The following MACROD2 variants were observed in gnomAD, a reference collection of about 807,000 sequenced individuals.
The protein encoded by MACROD2 is mono-ADP ribosylhydrolase 2.
Under a neutral mutation model 70.4 loss-of-function variants are expected in MACROD2, and 36 were observed. The observed-to-expected ratio is 0.51, with a 90% CI of 0.39 to 0.68. The LOEUF (loss-of-function observed/expected upper bound fraction) is 0.68. Ranked by LOEUF, MACROD2 falls within the 30% of genes least tolerant of loss-of-function variation. The pLI, the probability that MACROD2 is intolerant of heterozygous loss-of-function variation, is 0.00. For missense variants in MACROD2, 496 were observed against 538.4 expected, an observed-to-expected ratio of 0.92 and a Z score of 0.78; for synonymous variants, 172 against 178.8, an observed-to-expected ratio of 0.96 and a Z score of 0.30.
At chr20:15,687,696 G>T (rs1219431385) in intron 8 of MACROD2, among the ~76,000 whole-genome samples, 1 of 152,102 alleles carries the variant, frequency 6.6e-6, no homozygotes, top group African/African-American at 2.4e-5. Context: ...CAAGTTTCAG[G>T]CTACAAATTT....
At chr20:14,923,302 A>C (rs1210712235) in intron 5 of MACROD2, among the ~76,000 whole-genome samples, 9 of 152,132 alleles carry the variant, frequency 5.9e-5, no homozygotes, top group African/African-American at 1.9e-4. Flanking sequence ...TTGTATACTG[A>C]TCAATTACAA....
intron 3 of MACROD2, among the ~76,000 whole-genome samples, chr20:14,132,062 C>T (rs1377519950): frequency 1.4e-5 from 2 of 139,594 alleles, no homozygotes; most frequent in African/African-American, 2.6e-5. Flanking sequence ...ACCCGGGAGG[C>T]GGAGCTTGCA....
chr20:15,699,517 G>A (rs965221316), intron 8 of MACROD2, among the ~76,000 whole-genome samples: 3 of 152,166 alleles, frequency 2.0e-5, no homozygotes, highest in Non-Finnish European at 2.9e-5. Context: ...CCTTAGCTTT[G>A]GTGGTTTAAT....
intron 11 of MACROD2, among the ~76,000 whole-genome samples, chr20:15,934,427 C>A (rs2065626652): frequency 6.6e-6 from 1 of 152,164 alleles, no homozygotes; most frequent in Non-Finnish European, 1.5e-5. Flanking sequence ...GGCCGGCGTC[C>A]TTTGCTGCAA....
In MACROD2 at chr20:14,982,306, A is replaced by G. The variant is rs559156428; in HGVS notation, c.419-247634A>G. Among the ~76,000 whole-genome samples the G allele has an allele frequency of 5.3e-5, 8 of 152,314 alleles. No homozygotes were observed. In the South Asian group the frequency reaches 1.7e-3, roughly 32 times the overall value. ...TAAAATTTGGAAAATTTGCAGCCTA[A>G]CAGTGCAGTAGAAGAGAAAATTCCA... On this transcript the variant is annotated intron_variant, in intron 5 of 17. Transcript: ENST00000684519.
At chr20:15,823,275 C>CGTGTGTGTGTGT (rs11471023) in intron 8 of MACROD2, among the ~76,000 whole-genome samples, 21 of 128,742 alleles carry the variant, frequency 1.6e-4, no homozygotes, top group East Asian at 2.2e-4. Flanking sequence ...GTGAGCTCTT[C>CGTGTGTGTGTGT]GTGTGTGTGT....
At chr20:15,545,476 C>T (rs2048013898) in intron 8 of MACROD2, among the ~76,000 whole-genome samples, 1 of 152,188 alleles carries the variant, frequency 6.6e-6, no homozygotes, top group Admixed American at 6.5e-5. Flanking sequence ...GAAACAGATA[C>T]TGCACACTCA....
At chr20:15,676,521 A>G (rs1284320518) in intron 8 of MACROD2, among the ~76,000 whole-genome samples, 1 of 152,230 alleles carries the variant, frequency 6.6e-6, no homozygotes. Flanking sequence ...CTGAAATTTA[A>G]TTTACTCAAC....
intron 5 of MACROD2, among the ~76,000 whole-genome samples, chr20:14,796,050 A>G (rs1349051908): frequency 2.6e-5 from 4 of 152,102 alleles, no homozygotes; most frequent in Non-Finnish European, 4.4e-5. Context: ...TTATGAGCCT[A>G]TATATATTCA....
chr20:14,420,301 A>G (rs374556684), intron 3 of MACROD2, among the ~76,000 whole-genome samples: 6 of 152,072 alleles, frequency 3.9e-5, no homozygotes, highest in African/African-American at 1.4e-4. Context: ...ACTGTTTTTC[A>G]TAGCACCTGT....
chr20:14,093,608 G>A (rs190917728), intron 3 of MACROD2, among the ~76,000 whole-genome samples: 25 of 151,758 alleles, frequency 1.6e-4, no homozygotes, highest in Admixed American at 5.9e-4. Flanking sequence ...AGCTCTTTAC[G>A]GTTAAACAAA....
intron 3 of MACROD2, among the ~76,000 whole-genome samples, chr20:14,349,015 C>G (rs1214249579): frequency 6.6e-6 from 1 of 152,022 alleles, no homozygotes; most frequent in East Asian, 1.9e-4. Flanking sequence ...TTACAGTGGG[C>G]CATGATCACC....
At chr20:15,675,967 A>G (rs2050051386) in intron 8 of MACROD2, among the ~76,000 whole-genome samples, 1 of 152,194 alleles carries the variant, frequency 6.6e-6, no homozygotes, top group South Asian at 2.1e-4. Flanking sequence ...AATTAGGTTA[A>G]CAAGGTACCC....
At chr20:14,557,288 G>A (rs915089665) in intron 4 of MACROD2, among the ~76,000 whole-genome samples, 1 of 151,896 alleles carries the variant, frequency 6.6e-6, no homozygotes, top group African/African-American at 2.4e-5. Flanking sequence ...GAAAGCATAG[G>A]TGTAAAATTC....
intron 2 of MACROD2, among the ~76,000 whole-genome samples, chr20:14,055,953 A>G (rs1036080460): frequency 2.6e-5 from 4 of 152,116 alleles, no homozygotes; most frequent in Admixed American, 2.0e-4. Flanking sequence ...GAATTAATGG[A>G]TGCCAGTTTT....
At chr20:15,978,380 G>T (rs559165887) in intron 13 of MACROD2, among the ~76,000 whole-genome samples, 24 of 152,288 alleles carry the variant, frequency 1.6e-4, no homozygotes, top group African/African-American at 5.5e-4. Context: ...CATGAGAAAC[G>T]TGGATAAACC....
intron 5 of MACROD2, among the ~76,000 whole-genome samples, chr20:14,703,411 A>G (rs560494753): frequency 6.6e-6 from 1 of 152,312 alleles, no homozygotes; most frequent in South Asian, 2.1e-4. Context: ...CTGCTAACAG[A>G]TAGCCCAAGT....
At chr20:14,076,242 C>A (rs1426029083) in intron 2 of MACROD2, among the ~76,000 whole-genome samples, 1 of 152,030 alleles carries the variant, frequency 6.6e-6, no homozygotes, top group African/African-American at 2.4e-5. Context: ...CAGCATAATT[C>A]ATAAAATCTC....
chr20:15,514,438 T>C (rs2047540696), intron 8 of MACROD2, among the ~76,000 whole-genome samples: 1 of 152,246 alleles, frequency 6.6e-6, no homozygotes, highest in South Asian at 2.1e-4. Context: ...GTACTTATCA[T>C]TGTGTTACAA....
Sources: gnomAD v4.1 joint callset for allele counts (sites outside exome capture counted in the v4.1 genomes callset) on GRCh38, gnomAD v4.1.1 for gene constraint, MANE v1.5 for transcripts, NCBI Gene and HGNC (gene_info 2026-07-23, HGNC 2026-07-21) for gene names.